Variants in SCNN1B observed in about 807,000 individuals in gnomAD.
SCNN1B encodes the protein sodium channel epithelial 1 subunit beta.
Under a neutral mutation model 65.3 loss-of-function variants are expected in SCNN1B, and 46 were observed. The observed-to-expected ratio is 0.70, with a 90% confidence interval of 0.56 to 0.90. The LOEUF (loss-of-function observed/expected upper bound fraction) is 0.90, where lower values mean the gene tolerates loss of function less well. Among genes scored for constraint, SCNN1B ranks in the 40% least tolerant of loss-of-function variants. SCNN1B has a pLI of 0.00. For missense variants in SCNN1B, 751 were observed against 830.5 expected, an observed-to-expected ratio of 0.90 and a Z score of 1.18; for synonymous variants, 349 against 330.6, an observed-to-expected ratio of 1.06 and a Z score of -0.60.
In SCNN1B at chr16:23,380,921, T is replaced by G. The variant is rs1037257942; in HGVS notation, c.*120T>G. 3 of 1,134,302 alleles carry G rather than the reference T, an allele frequency of 2.6e-6. No homozygotes were observed. The highest frequency in any genetic ancestry group is 1.5e-5 in the African/African-American group (1 of 65,882). 70.3% of individuals were successfully genotyped at this position (1,134,302 alleles called of 1,614,324 possible). A position where few individuals can be genotyped will look rare whatever the true frequency, so the allele number is the denominator to read the frequency against. On this transcript the variant is annotated 3_prime_UTR_variant, in exon 13 of 13. Coordinates refer to ENST00000343070, the MANE Select transcript of SCNN1B (RefSeq NM_000336.3). The surrounding 1 kb of genome is among the most constrained non-coding windows in gnomAD (Gnocchi z 5.4). ...GGAGGGTAGCTCTCCAGGCCAGAGC[T>G]TGTGTCCTTCAACAGAGAGGCCAGC...
chr16:23,357,722 G>C (rs1022154051), intron 4 of SCNN1B, among the ~76,000 whole-genome samples: 54 of 152,216 alleles, frequency 3.5e-4, no homozygotes, highest in Non-Finnish European at 8.8e-5. Context: ...CCCATAGGTG[G>C]AAGATTTGAC....
At chr16:23,354,129 G>A (rs927401542) in intron 3 of SCNN1B, among the ~76,000 whole-genome samples, 10 of 152,174 alleles carry the variant, frequency 6.6e-5, no homozygotes, top group Non-Finnish European at 1.2e-4. Flanking sequence ...CAAACTAGCC[G>A]ACGTCATATG....
chr16:23,289,963 A>C (rs1960900984), intron 2 of SCNN1B, among the ~76,000 whole-genome samples: 1 of 152,146 alleles, frequency 6.6e-6, no homozygotes, highest in African/African-American at 2.4e-5. Flanking sequence ...GGCATGAGTC[A>C]CTGCACCCGA....
chr16:23,349,923 C>T (rs1962274291), intron 2 of SCNN1B, among the ~76,000 whole-genome samples: 1 of 151,766 alleles, frequency 6.6e-6, no homozygotes, highest in Non-Finnish European at 1.5e-5. Context: ...CATGGTGAAA[C>T]CTCAACTCTA....
rs530277681 is a variant in SCNN1B at position 23,315,433 on chromosome 16, G to A, written c.-9+12996G>A. Among the ~76,000 whole-genome samples the A allele has an allele frequency of 5.9e-5, 9 of 152,164 alleles. No individual in the cohort carries two copies. In the South Asian group the frequency reaches 8.3e-4, roughly 14 times the overall value. On this transcript the variant is annotated intron_variant, in intron 1 of 12. Transcript: ENST00000343070. ...ATAACATGTTTATTTAATAAACTGCGATGCCATGAAACCCATTCTGGAGGC... is the reference window on the plus strand; with the variant it reads ...ATAACATGTTTATTTAATAAACTGCAATGCCATGAAACCCATTCTGGAGGC...
chr16:23,380,467 TG>T lies in SCNN1B; in HGVS notation c.1595del (p.Gly532AlafsTer144). 6.2e-7 allele frequency: 1 copy of T among 1,614,234 alleles called. No individual in the cohort carries two copies. The highest frequency in any genetic ancestry group is 8.5e-7 in the Non-Finnish European group (1 of 1,180,032). ...CTGGGTGGCCAGTTTGGCTTCTGGA[TG>T]GGGGGCTCTGTGCTGTGCCTCATCG... ...SNLGGQFGFW[M>X]GGSVLCLIEF... is the part of the protein sequence containing the mutation. On this transcript the variant is annotated frameshift_variant, in exon 13 of 13. Coordinates refer to ENST00000343070, the MANE Select transcript of SCNN1B (RefSeq NM_000336.3). LOFTEE classifies it high-confidence loss of function. This position sits in a 1 kb window ranked among gnomAD's most constrained non-coding sequence, Gnocchi z 5.4.
chr16:23,333,173 G>T (rs867372332), intron 1 of SCNN1B, among the ~76,000 whole-genome samples: 3 of 139,158 alleles, frequency 2.2e-5, no homozygotes, highest in African/African-American at 8.0e-5. Context: ...AAGGAAGGAA[G>T]GAAGGAAGGA....
intron 1 of SCNN1B, among the ~76,000 whole-genome samples, chr16:23,344,866 C>G (rs1356332559): frequency 6.6e-6 from 1 of 152,118 alleles, no homozygotes; most frequent in East Asian, 1.9e-4. Context: ...TGGTGGCATG[C>G]GCCTGTAGTC....
At chr16:23,288,719 G>A (rs1378472945) in intron 2 of SCNN1B, among the ~76,000 whole-genome samples, 2 of 152,208 alleles carry the variant, frequency 1.3e-5, no homozygotes, top group South Asian at 2.1e-4. Flanking sequence ...TGAGGTAGGA[G>A]GATTGCTTGA....
chr16:23,312,107 GC>G (rs972718062), intron 1 of SCNN1B, among the ~76,000 whole-genome samples: 101 of 152,282 alleles, frequency 6.6e-4, no homozygotes, highest in African/African-American at 2.4e-3. Context: ...TGTCTGGGGA[GC>G]CGATTCCTGT....
chr16:23,297,235 A>G (rs1961011786), intron 2 of SCNN1B, among the ~76,000 whole-genome samples: 1 of 152,132 alleles, frequency 6.6e-6, no homozygotes, highest in Non-Finnish European at 1.5e-5. Flanking sequence ...AGCCTCACTC[A>G]CTGTTGGACT....
Position 23,380,093 on chromosome 16 carries a change from G to A in SCNN1B, c.1467-1G>A. 6.2e-7 allele frequency: 1 copy of A among 1,613,494 alleles called. No individual in the cohort carries two copies. Among genetic ancestry groups the A allele is most frequent in the Non-Finnish European group, 8.5e-7 (1 of 1,179,430 alleles). ...CCGGCCCTTCTCGCTGCCTCCTGCA[G>A]GAAGGGAATTGTCAAGCTCAACATC... is the stretch of plus-strand genomic sequence containing the variant. On this transcript the variant is annotated splice_acceptor_variant, in intron 11 of 12. Coordinates refer to ENST00000343070, the MANE Select transcript of SCNN1B (RefSeq NM_000336.3). LOFTEE classifies it high-confidence loss of function. This position sits in a 1 kb window ranked among gnomAD's most constrained non-coding sequence, Gnocchi z 5.4.
intron 2 of SCNN1B, among the ~76,000 whole-genome samples, chr16:23,293,611 G>A (rs1960956482): frequency 6.6e-6 from 1 of 152,262 alleles, no homozygotes; most frequent in African/African-American, 2.4e-5. Flanking sequence ...TGTATTTAAT[G>A]CCTCTGAGAT....
chr16:23,367,140 A>G (rs1962685726), intron 4 of SCNN1B, among the ~76,000 whole-genome samples: 1 of 152,078 alleles, frequency 6.6e-6, no homozygotes, highest in South Asian at 2.1e-4. Flanking sequence ...ATCCAAGATG[A>G]CCTCATCTCG....
chr16:23,331,874 A>G (rs1189550338), intron 1 of SCNN1B, among the ~76,000 whole-genome samples: 1 of 152,120 alleles, frequency 6.6e-6, no homozygotes, highest in Non-Finnish European at 1.5e-5. Context: ...GGTGGGAGGA[A>G]CTTACACCAC....
chr16:23,310,382 T>C (rs966523525), intron 1 of SCNN1B, among the ~76,000 whole-genome samples: 2 of 151,384 alleles, frequency 1.3e-5, no homozygotes, highest in African/African-American at 4.9e-5. Flanking sequence ...AATTATTTTA[T>C]GGATAGGGTT....
In SCNN1B at chr16:23,375,796, A is replaced by G; in HGVS notation, c.1211A>G (p.Tyr404Cys). 2 of 1,613,918 alleles carry G rather than the reference A, an allele frequency of 1.2e-6. No individual in the cohort carries two copies. Among genetic ancestry groups the G allele is most frequent in the Non-Finnish European group, 8.5e-7 (1 of 1,179,932 alleles). Residue 404 changes from tyrosine (Y) to cysteine (C), a missense_variant, in exon 8 of 13, where the codon TAC (tyrosine) becomes TGC (cysteine). Physicochemically the swap from Tyr to Cys is radical, Grantham distance 194. Coordinates refer to ENST00000343070, the MANE Select transcript of SCNN1B (RefSeq NM_000336.3). ...HMIRNCNCGHYLYPLPRGEKY... is the reference protein window; with the variant it reads ...HMIRNCNCGHCLYPLPRGEKY... Reference sequence around the variant, plus strand: ...ATCCGTAACTGCAACTGTGGCCACTACCTGTACCCACTGCCCCGTGGGGAG... The same window carrying G: ...ATCCGTAACTGCAACTGTGGCCACTGCCTGTACCCACTGCCCCGTGGGGAG...
At chr16:23,331,138 A>G (rs1961802961) in intron 1 of SCNN1B, among the ~76,000 whole-genome samples, 1 of 152,146 alleles carries the variant, frequency 6.6e-6, no homozygotes, top group Non-Finnish European at 1.5e-5. Context: ...TGTGTTGAAG[A>G]GGGTGGCAGG....
chr16:23,333,186 GAAGGAAGGAAGGAAGGAAGGAAGGAAGA>G (rs1410276021), intron 1 of SCNN1B, among the ~76,000 whole-genome samples: 1,826 of 135,920 alleles, frequency 0.013, 56 homozygotes, highest in East Asian at 0.049. Flanking sequence ...AGGAAGGAAG[GAAGGAAGGAAGGAAGGAAGGAAGGAAGA>G]AAGAAAAAAG....
Sources: gnomAD v4.1 joint callset for allele counts (sites outside exome capture counted in the v4.1 genomes callset) on GRCh38, gnomAD v4.1.1 for gene constraint, Gnocchi (gnomAD v3.1) non-coding constraint, MANE v1.5 for transcripts, NCBI Gene and HGNC (gene_info 2026-07-23, HGNC 2026-07-21) for gene names.